The following DLG2 variants were observed in gnomAD, a reference collection of about 807,000 sequenced individuals.
DLG2 encodes the protein discs large MAGUK scaffold protein 2, also known as disks large homolog 2.
In DLG2, 45 loss-of-function variants were observed where a neutral mutation model predicts 132.5. The ratio of observed to expected loss-of-function variants is 0.34; its 90% CI spans 0.27 to 0.44. The LOEUF is 0.44. Ranked by LOEUF, DLG2 falls within the 20% of genes least tolerant of loss-of-function variation. The pLI is 1.00. For missense variants in DLG2, 1,045 were observed against 1,196.9 expected (o/e 0.87, Z 1.87); for synonymous variants, 424 against 419.6 (o/e 1.01, Z -0.13).
At chr11:84,908,117 A>G (rs1206161152) in intron 6 of DLG2, among the ~76,000 whole-genome samples, 6 of 152,110 alleles carry the variant, frequency 3.9e-5, no homozygotes, top group Non-Finnish European at 5.9e-5. Flanking sequence ...CCTCCACAAC[A>G]GCAATGTCTA....
chr11:84,259,509 C>G (rs1459722959), intron 7 of DLG2, among the ~76,000 whole-genome samples: 1 of 152,104 alleles, frequency 6.6e-6, no homozygotes, highest in Non-Finnish European at 1.5e-5. Flanking sequence ...GAGACACGAA[C>G]AGTGCTGAAT....
chr11:84,933,922 G>A (rs1355030269), intron 6 of DLG2, among the ~76,000 whole-genome samples: 1 of 152,124 alleles, frequency 6.6e-6, no homozygotes, highest in African/African-American at 2.4e-5. Context: ...ATGAGAAAGG[G>A]CATCCTTTTA....
At chr11:83,773,455 C>T (rs749357198) in intron 18 of DLG2, among the ~76,000 whole-genome samples, 27 of 152,162 alleles carry the variant, frequency 1.8e-4, no homozygotes, top group South Asian at 2.1e-4. Context: ...AAGATCATTA[C>T]GAAATATGTT....
At chr11:85,619,954 T>A (rs1390191709) in intron 2 of DLG2, among the ~76,000 whole-genome samples, 2 of 152,000 alleles carry the variant, frequency 1.3e-5, no homozygotes, top group Non-Finnish European at 2.9e-5. Flanking sequence ...CTCAATGAAG[T>A]CAGGTACAGG....
At chr11:83,553,065 C>T (rs1158343624) in intron 19 of DLG2, among the ~76,000 whole-genome samples, 1 of 152,124 alleles carries the variant, frequency 6.6e-6, no homozygotes, top group Non-Finnish European at 1.5e-5. Flanking sequence ...TGAAGTCTTA[C>T]TTATCTCTGT....
intron 14 of DLG2, among the ~76,000 whole-genome samples, chr11:83,952,376 C>G (rs1020203631): frequency 2.0e-5 from 3 of 151,770 alleles, no homozygotes; most frequent in Non-Finnish European, 2.9e-5. Flanking sequence ...TATGGAAGGA[C>G]AGACTGGGAA....
At chr11:85,440,187 C>T (rs1159176804) in intron 3 of DLG2, among the ~76,000 whole-genome samples, 1 of 152,090 alleles carries the variant, frequency 6.6e-6, no homozygotes, top group Non-Finnish European at 1.5e-5. Context: ...AATTATTAAC[C>T]ATTATCATTT....
At chr11:84,821,892 A>T (rs2077742609) in intron 6 of DLG2, among the ~76,000 whole-genome samples, 1 of 151,846 alleles carries the variant, frequency 6.6e-6, no homozygotes, top group African/African-American at 2.4e-5. Flanking sequence ...TTTTTTAATC[A>T]TATCAAACAA....
chr11:85,208,856 G>A (rs1289334081), intron 4 of DLG2, among the ~76,000 whole-genome samples: 1 of 152,080 alleles, frequency 6.6e-6, no homozygotes, highest in East Asian at 1.9e-4. Flanking sequence ...ACAAGGGAGG[G>A]ATAGAAGGGC....
intron 7 of DLG2, among the ~76,000 whole-genome samples, chr11:84,472,096 C>T (rs764956316): frequency 1.3e-5 from 2 of 151,814 alleles, no homozygotes; most frequent in East Asian, 1.9e-4. Flanking sequence ...GAAAAGGTCC[C>T]AGTTTCGTCA....
chr11:84,670,816 TC>T (rs2099705031), intron 6 of DLG2, among the ~76,000 whole-genome samples: 1 of 151,594 alleles, frequency 6.6e-6, no homozygotes, highest in East Asian at 1.9e-4. Context: ...TGCTGTGGAC[TC>T]ATAGTCCAAA....
intron 17 of DLG2, among the ~76,000 whole-genome samples, chr11:83,827,872 A>T (rs2053339964): frequency 6.6e-6 from 1 of 152,258 alleles, no homozygotes; most frequent in South Asian, 2.1e-4. Context: ...CTCCATGAAT[A>T]CATCAAGAAT....
Position 85,481,543 on chromosome 11 carries a change from C to A in DLG2, c.40+117114G>T, listed in dbSNP as rs947823451. Among the ~76,000 whole-genome samples, 3 of 152,086 alleles carry A rather than the reference C, an allele frequency of 2.0e-5. No homozygotes were observed. The East Asian group carries it at 5.8e-4, about 29-fold the overall frequency. ...TGAGAGAAGGAGAGGGCAGTGAGTACAAGACTTTGCCTCAGATTCCAAAGC... is the reference window on the plus strand; with the variant it reads ...TGAGAGAAGGAGAGGGCAGTGAGTAAAAGACTTTGCCTCAGATTCCAAAGC... On this transcript the variant is annotated intron_variant, in intron 3 of 27. Transcript: ENST00000376104.
At chr11:83,902,387 A>G (rs2073706675) in intron 15 of DLG2, among the ~76,000 whole-genome samples, 1 of 152,204 alleles carries the variant, frequency 6.6e-6, no homozygotes, top group South Asian at 2.1e-4. Flanking sequence ...GGATATAAAA[A>G]CTGCTACATT....
At chr11:84,801,145 T>C (rs930897285) in intron 6 of DLG2, among the ~76,000 whole-genome samples, 8 of 152,180 alleles carry the variant, frequency 5.3e-5, no homozygotes, top group Admixed American at 2.6e-4. Context: ...TATTAATTTG[T>C]TTAAATTGTT....
intron 14 of DLG2, among the ~76,000 whole-genome samples, chr11:83,943,147 A>G (rs1281583995): frequency 6.6e-6 from 1 of 152,160 alleles, no homozygotes; most frequent in African/African-American, 2.4e-5. Context: ...TTTCTTTTGT[A>G]GATTGCCCAG....
chr11:83,837,627 A>G (rs1474113917), intron 16 of DLG2, among the ~76,000 whole-genome samples: 1 of 149,638 alleles, frequency 6.7e-6, no homozygotes, highest in Admixed American at 6.7e-5. Flanking sequence ...TCATTTATCT[A>G]AAGGGAGCAG....
intron 4 of DLG2, among the ~76,000 whole-genome samples, chr11:85,204,822 A>G (rs2081748742): frequency 6.6e-6 from 1 of 152,188 alleles, no homozygotes; most frequent in Non-Finnish European, 1.5e-5. Context: ...TGGTACTGGC[A>G]TAAAAACAGA....
chr11:83,684,069 C>A (rs148105429), intron 18 of DLG2, among the ~76,000 whole-genome samples: 113 of 152,148 alleles, frequency 7.4e-4, no homozygotes, highest in African/African-American at 2.6e-3. Flanking sequence ...ACCACAAAAC[C>A]CATAAAAACA....
Sources: gnomAD v4.1 joint callset for allele counts (sites outside exome capture counted in the v4.1 genomes callset) on GRCh38, gnomAD v4.1.1 for gene constraint, MANE v1.5 for transcripts, NCBI Gene and HGNC (gene_info 2026-07-23, HGNC 2026-07-21) for gene names.